The following DMD variants were observed in gnomAD, a reference collection of about 807,000 sequenced individuals.
DMD encodes the protein dystrophin.
DMD carries 63 observed loss-of-function variants against 330.1 expected under a neutral mutation model. The ratio of observed to expected loss-of-function variants is 0.19; its 90% confidence interval spans 0.16 to 0.24. The LOEUF is 0.24. DMD is among the 10% of genes least tolerant of loss of function. DMD has a pLI of 1.00. For synonymous variants in DMD, 1,223 were observed against 959.8 expected (o/e 1.27, Z -5.07); for missense variants, 3,344 against 2,684.1 (o/e 1.25, Z -5.43).
chrX:32,771,846 C>G (rs1291827748), intron 7 of DMD, among the ~76,000 whole-genome samples: 2 of 111,620 alleles, frequency 1.8e-5, no homozygotes, highest in African/African-American at 6.5e-5. Flanking sequence ...ATACATTATT[C>G]TTCTCAAGGA....
intron 7 of DMD, among the ~76,000 whole-genome samples, chrX:32,703,874 G>C (rs1380541749): frequency 9.0e-6 from 1 of 111,653 alleles, no homozygotes; most frequent in Non-Finnish European, 1.9e-5. Flanking sequence ...TATGAAATGA[G>C]AGCAGTGGCT....
chrX:32,599,730 T>TACACATATATACACAC (rs1295987669), intron 12 of DMD, among the ~76,000 whole-genome samples: 1 of 111,834 alleles, frequency 8.9e-6, no homozygotes, highest in African/African-American at 3.2e-5. Flanking sequence ...TACATACACA[T>TACACATATATACACAC]ACACATATAT....
At chrX:33,027,879 G>A (rs1470999054) in intron 1 of DMD, among the ~76,000 whole-genome samples, 1 of 111,963 alleles carries the variant, frequency 8.9e-6, no homozygotes, top group Admixed American at 9.5e-5. Context: ...AAAGTGTCAG[G>A]ATGTGAGAGA....
At chrX:33,267,226 C>T (rs898889444) in intron 1 of DMD, among the ~76,000 whole-genome samples, 2 of 110,307 alleles carry the variant, frequency 1.8e-5, no homozygotes, top group African/African-American at 6.6e-5. Context: ...ACAATAATGA[C>T]CAAGCTGAGA....
At chrX:31,266,084 T>A (rs1022881452) in intron 62 of DMD, among the ~76,000 whole-genome samples, 4 of 99,306 alleles carry the variant, frequency 4.0e-5, no homozygotes, top group Non-Finnish European at 7.9e-5. Context: ...CAAACTTTGC[T>A]TGAAGATGAG....
intron 30 of DMD, among the ~76,000 whole-genome samples, chrX:32,411,417 C>A (rs1361201186): frequency 9.0e-6 from 1 of 111,416 alleles, no homozygotes; most frequent in Non-Finnish European, 1.9e-5. Flanking sequence ...GTGTGAGCCA[C>A]CACACCCGGC....
At chrX:32,027,787 C>A (rs5927922) in intron 44 of DMD, among the ~76,000 whole-genome samples, 53,706 of 111,198 alleles carry the variant, frequency 0.48, 9,524 homozygotes, top group Admixed American at 0.57. Context: ...ATCCTGACTG[C>A]AAAATGTCCT....
intron 64 of DMD, among the ~76,000 whole-genome samples, chrX:31,215,404 G>A (rs2045312446): frequency 9.0e-6 from 1 of 111,236 alleles, no homozygotes; most frequent in Non-Finnish European, 1.9e-5. Flanking sequence ...CAAGATGTGA[G>A]TGGGAGAGTC....
At chrX:31,942,325 T>A (rs1172350282) in intron 45 of DMD, among the ~76,000 whole-genome samples, 1 of 111,998 alleles carries the variant, frequency 8.9e-6, no homozygotes, top group Non-Finnish European at 1.9e-5. Context: ...GAATAAGAGA[T>A]CTTTCTAAAA....
chrX:32,629,494 G>A (rs2058591445), intron 11 of DMD, among the ~76,000 whole-genome samples: 1 of 110,873 alleles, frequency 9.0e-6, no homozygotes. Context: ...TATTTAGATT[G>A]GATAGTTTAG....
At chrX:31,959,334 T>C (rs1344106990) in intron 45 of DMD, among the ~76,000 whole-genome samples, 1 of 112,090 alleles carries the variant, frequency 8.9e-6, no homozygotes, top group Non-Finnish European at 1.9e-5. Context: ...TCATTTGTCA[T>C]GGCGTCATTT....
At chrX:31,378,393 G>A (rs1332318848) in intron 60 of DMD, among the ~76,000 whole-genome samples, 1 of 110,766 alleles carries the variant, frequency 9.0e-6, no homozygotes, top group Admixed American at 9.6e-5. Flanking sequence ...CAATCTTGGC[G>A]CCCCACTTCA....
At chrX:31,348,415 T>C (rs1228692184) in intron 61 of DMD, 141 bp downstream of exon 61, 26 of 601,497 alleles carry the variant, frequency 4.3e-5, no homozygotes, top group Middle Eastern at 3.8e-4. Context: ...AACCAAGTTA[T>C]ATTTCAGGAT....
chrX:32,529,294 G>A (rs761998280), intron 17 of DMD, among the ~76,000 whole-genome samples: 1 of 105,676 alleles, frequency 9.5e-6, no homozygotes, highest in African/African-American at 3.5e-5. Context: ...AAACCAAGCT[G>A]CACCCCAACC....
chrX:31,296,126 T>C (rs2054168230), intron 62 of DMD, among the ~76,000 whole-genome samples: 1 of 110,822 alleles, frequency 9.0e-6, no homozygotes, highest in Admixed American at 9.6e-5. Context: ...ACATTGAACA[T>C]GGATTATTCA....
chrX:33,200,259 T>A (rs1432563395), intron 1 of DMD, among the ~76,000 whole-genome samples: 1 of 111,353 alleles, frequency 9.0e-6, no homozygotes, highest in Non-Finnish European at 1.9e-5. Context: ...TGTTTTTTTT[T>A]CCCAACCGTG....
chrX:32,573,823 G>A lies in DMD; in HGVS notation c.1626C>T (p.Asn542=), dbSNP rs1050459446. The change falls in exon 14 of 79, where the codon AAC becomes AAT. Residue 542 remains asparagine, a synonymous_variant. Transcript: ENST00000357033. The stretch of plus-strand genomic sequence containing the variant: ...AGCGGTCTTCTGTCCATCTACAGAT[G>A]TTTGCCCATCGATCTCCCAATACCT... ...QLKVLGDRWA[N]ICRWTEDRWV... 9.9e-6 allele frequency: 12 copies of A among 1,209,070 alleles called. No individual in the cohort carries two copies. Among genetic ancestry groups the A allele is most frequent in the Admixed American group, 2.2e-5 (1 of 45,688 alleles).
At chrX:33,303,097 T>C (rs887408953) in intron 1 of DMD, among the ~76,000 whole-genome samples, 1 of 111,766 alleles carries the variant, frequency 8.9e-6, no homozygotes, top group African/African-American at 3.3e-5. Context: ...GTAGCTCATT[T>C]CTTTTTAGCA....
rs775585312 is a variant in DMD at position 32,472,062 on chromosome X, A to T, written c.2949+102T>A. The T allele has an allele frequency of 1.7e-5, 18 of 1,034,663 alleles. No homozygotes were observed. The South Asian group carries it at 3.1e-4, about 18-fold the overall frequency. 85.3% of individuals were successfully genotyped at this position (1,034,663 alleles called of 1,213,427 possible). On this transcript the variant is annotated intron_variant, in intron 22 of 78. Transcript: ENST00000357033. ...ATTTGCTCAATGGGCAAACTACCAT[A>T]CTTGTCAGAATGACTTAAATTCTAA...
Sources: gnomAD v4.1 joint callset for allele counts (sites outside exome capture counted in the v4.1 genomes callset) on GRCh38, gnomAD v4.1.1 for gene constraint, MANE v1.5 for transcripts, NCBI Gene and HGNC (gene_info 2026-07-23, HGNC 2026-07-21) for gene names.